The following ABCA1 variants were observed in gnomAD, a reference collection of about 807,000 sequenced individuals.
The protein encoded by ABCA1 is phospholipid-transporting ATPase ABCA1.
Under a neutral mutation model 262.5 loss-of-function variants are expected in ABCA1, and 133 were observed. That is an observed-to-expected ratio of 0.51 (90% CI 0.44 to 0.59). The LOEUF (loss-of-function observed/expected upper bound fraction) is 0.59, where lower values mean the gene tolerates loss of function less well. Among genes scored for constraint, ABCA1 ranks in the 20% least tolerant of loss-of-function variants. ABCA1 has a pLI of 0.00. For missense variants in ABCA1, 2,452 were observed against 2,777.5 expected (o/e 0.88, Z 2.63); for synonymous variants, 1,022 against 1,043.5 (o/e 0.98, Z 0.40).
chr9:104,800,680 A>T, intron 34 of ABCA1, 96 bp from the exon 35 acceptor site: 1 of 1,049,656 alleles, frequency 9.5e-7, no homozygotes, highest in Non-Finnish European at 1.5e-6. Flanking sequence ...CGGCCCTGTG[A>T]AGAGCAATGC....
Position 104,840,411 on chromosome 9 carries a change from C to T in ABCA1, c.922G>A (p.Val308Ile), listed in dbSNP as rs938174524. 6.2e-7 allele frequency: 1 copy of T among 1,614,162 alleles called. No individual in the cohort carries two copies. Among genetic ancestry groups the T allele is most frequent in the African/African-American group, 1.3e-5 (1 of 75,034 alleles). Reference protein sequence around the residue: ...TQIYQAVSRIVCGHPEGGGLK... With the variant: ...TQIYQAVSRIICGHPEGGGLK... Reference sequence around the variant, plus strand: ...CCCCCTCCCTCGGGATGCCCGCAGACAATACGAGACACAGCCTGGTAGATT... The same window carrying T: ...CCCCCTCCCTCGGGATGCCCGCAGATAATACGAGACACAGCCTGGTAGATT... The change falls in exon 9 of 50, where the codon GTC becomes ATC. Residue 308 changes from valine (V) to isoleucine (I), a missense_variant. By Grantham distance (29) the Val-to-Ile change is conservative. Transcript: ENST00000374736.
At chr9:104,855,472 G>A in intron 7 of ABCA1, 1 of 464,228 alleles carries the variant, frequency 2.2e-6, no homozygotes, top group Non-Finnish European at 3.5e-6. Flanking sequence ...AATATGCTGG[G>A]ATTACAACAG....
chr9:104,911,205 G>A (rs954750402), intron 1 of ABCA1, among the ~76,000 whole-genome samples: 3 of 152,152 alleles, frequency 2.0e-5, no homozygotes, highest in Non-Finnish European at 4.4e-5. Flanking sequence ...AGCTCTGATT[G>A]CCTATTCATG....
Position 104,816,252 on chromosome 9 carries a change from T to C in ABCA1, c.3629A>G (p.Tyr1210Cys). 1.2e-6 allele frequency: 2 copies of C among 1,614,180 alleles called. No homozygotes were observed. The highest frequency in any genetic ancestry group is 3.3e-4 in the Middle Eastern group (2 of 6,062). ...AAAGGCTCCCTCCTTAGCAGCTTCA[T>C]ATGGCAGCACATAGGTCAGCTCATG... ...IGHELTYVLP[Y>C]EAAKEGAFVE... Residue 1210 changes from tyrosine (Y) to cysteine (C), a missense_variant, in exon 25 of 50, where the codon TAT (tyrosine) becomes TGT (cysteine). Tyr to Cys is a radical substitution (Grantham distance 194). Coordinates refer to ENST00000374736, the MANE Select transcript of ABCA1 (RefSeq NM_005502.4).
At chr9:104,900,614 G>A (rs1332717144) in intron 2 of ABCA1, among the ~76,000 whole-genome samples, 1 of 152,178 alleles carries the variant, frequency 6.6e-6, no homozygotes, top group Non-Finnish European at 1.5e-5. Flanking sequence ...TTGAGATTCA[G>A]AGACATAGAA....
At chr9:104,850,903 G>A (rs764630239) in intron 7 of ABCA1, among the ~76,000 whole-genome samples, 3 of 152,088 alleles carry the variant, frequency 2.0e-5, no homozygotes, top group Non-Finnish European at 4.4e-5. Flanking sequence ...GGAAAAAGAA[G>A]GAAAATAAAA....
intron 5 of ABCA1, among the ~76,000 whole-genome samples, chr9:104,874,969 C>T (rs1347975698): frequency 1.3e-5 from 2 of 151,798 alleles, no homozygotes; most frequent in South Asian, 2.1e-4. Context: ...TCTACCCGGC[C>T]GCCGCCCCAT....
At chr9:104,839,159 C>A (rs1331405339) in intron 9 of ABCA1, among the ~76,000 whole-genome samples, 1 of 152,186 alleles carries the variant, frequency 6.6e-6, no homozygotes, top group Admixed American at 6.5e-5. Context: ...TGCCACGAGG[C>A]ATACGGCACA....
chr9:104,907,035 C>T (rs1392627019), intron 1 of ABCA1, among the ~76,000 whole-genome samples: 1 of 152,162 alleles, frequency 6.6e-6, no homozygotes, highest in African/African-American at 2.4e-5. Context: ...AACCTTTTGC[C>T]AGCTCCTCAG....
At chr9:104,855,554 C>A in intron 7 of ABCA1, 1 of 1,036,198 alleles carries the variant, frequency 9.7e-7, no homozygotes, top group Non-Finnish European at 1.3e-6. Flanking sequence ...ATTTCTACTA[C>A]TCATGTCAAT....
At position 104,784,320 on chromosome 9, in the gene ABCA1, C is replaced by T; in HGVS notation, c.6781G>A (p.Val2261Ile). 1 of 1,614,114 alleles carries T rather than the reference C, an allele frequency of 6.2e-7. No individual in the cohort carries two copies. Among genetic ancestry groups the T allele is most frequent in the Admixed American group, 1.7e-5 (1 of 60,034 alleles). The part of the protein sequence containing the change: ...LQDEKVKESY[V>I] ...CCCCGTATGAACAGGATTCTTCATACATAGCTTTCTTTCACTTTCTCATCC... is the reference window on the plus strand; with the variant it reads ...CCCCGTATGAACAGGATTCTTCATATATAGCTTTCTTTCACTTTCTCATCC... The change falls in exon 50 of 50, where the codon GTA becomes ATA. Residue 2261 changes from valine (V) to isoleucine (I), a missense_variant. By Grantham distance (29) the Val-to-Ile change is conservative. Coordinates refer to ENST00000374736, the MANE Select transcript of ABCA1 (RefSeq NM_005502.4).
chr9:104,816,466 G>C (rs1490648630), intron 24 of ABCA1, 121 bp from the exon 25 acceptor site: 19 of 909,572 alleles, frequency 2.1e-5, no homozygotes, highest in Non-Finnish European at 3.4e-5. Flanking sequence ...TGTTCCAGGT[G>C]TTTAGGTCAT....
At chr9:104,814,722 G>A (rs944495904) in intron 25 of ABCA1, among the ~76,000 whole-genome samples, 4 of 152,148 alleles carry the variant, frequency 2.6e-5, no homozygotes, top group Non-Finnish European at 4.4e-5. Context: ...ATGGCTGAGC[G>A]CTGTGGCTCA....
chr9:104,814,002 G>T, intron 27 of ABCA1, 116 bp downstream of exon 27: 2 of 1,050,700 alleles, frequency 1.9e-6, no homozygotes, highest in Non-Finnish European at 1.4e-6. Flanking sequence ...CTTCTCTTTG[G>T]ACTCTGTAGG....
intron 1 of ABCA1, among the ~76,000 whole-genome samples, chr9:104,925,677 TTTTAATGGTTTGTGGAATTA>T (rs1397838328): frequency 6.6e-6 from 1 of 152,322 alleles, no homozygotes; most frequent in South Asian, 2.1e-4. Context: ...GCATTAATTA[TTTTAATGGTTTGTGGAATTA>T]TTTAATGGTT....
At chr9:104,822,378 C>T in intron 19 of ABCA1, 118 bp downstream of exon 19, 1 of 1,348,588 alleles carries the variant, frequency 7.4e-7, no homozygotes, top group Non-Finnish European at 1.1e-6. Context: ...TTCGGCAACT[C>T]CTCATGTGCT....
chr9:104,862,641 G>GCC (rs1564197815), intron 5 of ABCA1, among the ~76,000 whole-genome samples: 1 of 2,018 alleles, frequency 5.0e-4, no homozygotes, highest in Non-Finnish European at 1.2e-3. Context: ...TGCCGGGCCG[G>GCC]GCCGGGCCGG....
chr9:104,917,767 G>A (rs372123086), intron 1 of ABCA1, among the ~76,000 whole-genome samples: 2 of 151,918 alleles, frequency 1.3e-5, no homozygotes, highest in African/African-American at 4.8e-5. Flanking sequence ...AAAAAAAGGA[G>A]TAAGCTTTTG....
chr9:104,812,923 C>T (rs1293839692), intron 27 of ABCA1, among the ~76,000 whole-genome samples: 2 of 152,216 alleles, frequency 1.3e-5, no homozygotes, highest in Admixed American at 6.5e-5. Context: ...CAGTCTCTGC[C>T]TTTCAGTCCT....
Sources: gnomAD v4.1 joint callset for allele counts (sites outside exome capture counted in the v4.1 genomes callset) on GRCh38, gnomAD v4.1.1 for gene constraint, MANE v1.5 for transcripts, NCBI Gene and HGNC (gene_info 2026-07-23, HGNC 2026-07-21) for gene names.